Variants in TMEM114 observed in about 807,000 individuals in gnomAD.
TMEM114 encodes claudin-26.
TMEM114 carries 6 observed loss-of-function variants against 6.2 expected under a neutral mutation model. The observed-to-expected ratio is 0.97, with a 90% CI of 0.53 to 1.91. TMEM114 has a LOEUF of 1.91. Ranked by LOEUF, TMEM114 falls within the 40% of genes most tolerant of loss-of-function variation. The pLI, the probability that TMEM114 is intolerant of heterozygous loss-of-function variation, is 0.01. For missense variants in TMEM114, 218 were observed against 158.3 expected (o/e 1.38, Z -2.02); for synonymous variants, 104 against 73.0 (o/e 1.42, Z -2.16).
intron 2 of TMEM114, among the ~76,000 whole-genome samples, chr16:8,585,187 A>G (rs1471564699): frequency 6.6e-6 from 1 of 152,184 alleles, no homozygotes; most frequent in African/African-American, 2.4e-5. Context: ...CAAGAACAGT[A>G]TGGGAAAGAC....
downstream of TMEM114, among the ~76,000 whole-genome samples, chr16:8,565,170 G>A (rs1901499435): frequency 6.6e-6 from 1 of 152,138 alleles, no homozygotes; most frequent in Non-Finnish European, 1.5e-5. Context: ...TGGATGCATG[G>A]ATGGATGAGT....
At chr16:8,556,750 G>A (rs979937564) in intron 2 of TMEM114, among the ~76,000 whole-genome samples, 5 of 152,114 alleles carry the variant, frequency 3.3e-5, no homozygotes, top group South Asian at 4.1e-4. Flanking sequence ...GGATCCACCC[G>A]CCTCAGCCTC....
At chr16:8,576,180 A>G (rs1178452789) in intron 2 of TMEM114, among the ~76,000 whole-genome samples, 8 of 152,198 alleles carry the variant, frequency 5.3e-5, no homozygotes, top group Non-Finnish European at 4.4e-5. Context: ...TCCTTCTCCC[A>G]GCTCATATGA....
chr16:8,583,373 C>G (rs1902217473), intron 2 of TMEM114, among the ~76,000 whole-genome samples: 1 of 152,148 alleles, frequency 6.6e-6, no homozygotes, highest in African/African-American at 2.4e-5. Context: ...TGCACAGAGT[C>G]CAGGGCTGGC....
At chr16:8,552,602 A>T (rs1455371329) in intron 2 of TMEM114, among the ~76,000 whole-genome samples, 1 of 151,922 alleles carries the variant, frequency 6.6e-6, no homozygotes, top group Non-Finnish European at 1.5e-5. Flanking sequence ...CACTGCAGTT[A>T]TGTAGGATGT....
At chr16:8,573,925 G>A (rs1901825579) in intron 2 of TMEM114, among the ~76,000 whole-genome samples, 1 of 152,186 alleles carries the variant, frequency 6.6e-6, no homozygotes, top group South Asian at 2.1e-4. Context: ...TTGTATCCCT[G>A]AGTTTCTAGC....
intron 2 of TMEM114, among the ~76,000 whole-genome samples, chr16:8,545,339 G>C (rs1168321351): frequency 6.6e-6 from 1 of 152,186 alleles, no homozygotes; most frequent in Non-Finnish European, 1.5e-5. Context: ...AGGAGGCTGA[G>C]GCAGGAGGAT....
At chr16:8,532,974 G>A (rs769335606), downstream of TMEM114, among the ~76,000 whole-genome samples, 1 of 152,144 alleles carries the variant, frequency 6.6e-6, no homozygotes, top group Non-Finnish European at 1.5e-5. Flanking sequence ...TTCAACAGAT[G>A]TTTTCTGTGC....
intron 2 of TMEM114, among the ~76,000 whole-genome samples, chr16:8,577,317 A>G (rs1303581462): frequency 6.6e-6 from 1 of 152,170 alleles, no homozygotes; most frequent in East Asian, 1.9e-4. Context: ...GGGGACAGCT[A>G]CTGCGCTGGA....
At chr16:8,546,706 C>G (rs957027103) in intron 2 of TMEM114, among the ~76,000 whole-genome samples, 28 of 152,334 alleles carry the variant, frequency 1.8e-4, no homozygotes, top group African/African-American at 6.5e-4. Context: ...CCTACCAGAT[C>G]ACAGCAGATG....
chr16:8,548,979 A>T (rs1281665878), intron 2 of TMEM114, among the ~76,000 whole-genome samples: 1 of 151,568 alleles, frequency 6.6e-6, no homozygotes. Context: ...TCAGGAGATC[A>T]AGACCATCCT....
chr16:8,546,820 A>G (rs184257546), intron 2 of TMEM114, among the ~76,000 whole-genome samples: 15 of 152,316 alleles, frequency 9.8e-5, no homozygotes, highest in African/African-American at 2.6e-4. Flanking sequence ...GCTCTCCTCT[A>G]TCTTCCTTTG....
At position 8,589,754 on chromosome 16, in the gene TMEM114, TGCCGATGGCG is replaced by T. The variant is rs1902426590; in HGVS notation, c.75_84del (p.Ala26ArgfsTer34). On this transcript the variant is annotated frameshift_variant, in exon 1 of 4. Transcript: ENST00000620492. LOFTEE classifies it high-confidence loss of function. ...GTGTCAATGATATACCAGAAGTCCG[TGCCGATGGCG>T]GCCGCCAGGAGCACAAAGCTGAGCG... 2.0e-5 allele frequency: 8 copies of T among 398,546 alleles called. No homozygotes were observed. The South Asian group carries it at 1.0e-3, about 51-fold the overall frequency. The allele number at this position is 398,546 out of a possible 1,614,324, so 24.7% of individuals were successfully genotyped here. A position where few individuals can be genotyped will look rare whatever the true frequency, so the allele number is the denominator to read the frequency against.
intron 2 of TMEM114, among the ~76,000 whole-genome samples, chr16:8,561,962 G>A (rs1901233309): frequency 6.6e-6 from 1 of 152,196 alleles, no homozygotes; most frequent in Non-Finnish European, 1.5e-5. Context: ...ATGAGGGAGG[G>A]AGGGAATGAG....
chr16:8,543,962 G>A (rs185084471), intron 2 of TMEM114, among the ~76,000 whole-genome samples: 113 of 152,274 alleles, frequency 7.4e-4, no homozygotes, highest in African/African-American at 2.6e-3. Context: ...GTGATTCATT[G>A]GTCAAACTGG....
At chr16:8,562,335 A>C (rs1392407121) in intron 2 of TMEM114, among the ~76,000 whole-genome samples, 1 of 151,474 alleles carries the variant, frequency 6.6e-6, no homozygotes, top group Non-Finnish European at 1.5e-5. Context: ...GGAGGGAATG[A>C]GTGAATGAGT....
In TMEM114 at chr16:8,590,244, G is replaced by A. The variant is rs1348533416; in HGVS notation, c.-406C>T. ...TCGGCCCTCCACGCCCAGCCCAAGC[G>A]GACTCTCTCACTTCAAAATCCTCAC... On this transcript the variant is annotated 5_prime_UTR_variant, in exon 1 of 4. Coordinates refer to ENST00000620492, the MANE Select transcript of TMEM114 (RefSeq NM_001146336.2). The A allele has an allele frequency of 1.6e-5, 3 of 183,724 alleles. No individual in the cohort carries two copies. The highest frequency in any genetic ancestry group is 3.4e-5 in the Non-Finnish European group (3 of 89,394). 11.4% of individuals were successfully genotyped at this position (183,724 alleles called of 1,614,324 possible).
downstream of TMEM114, among the ~76,000 whole-genome samples, chr16:8,566,349 C>T (rs143825124): frequency 0.034 from 4,891 of 142,808 alleles, 148 homozygotes; most frequent in South Asian, 0.11. Flanking sequence ...TGCACCCCAG[C>T]CTGGGTGACA....
intron 3 of TMEM114, among the ~76,000 whole-genome samples, chr16:8,570,385 A>T (rs1210115608): frequency 6.6e-6 from 1 of 151,928 alleles, no homozygotes; most frequent in African/African-American, 2.4e-5. Context: ...GTGCGATCTC[A>T]GCTTGCTGCG....
Sources: allele counts gnomAD v4.1 joint callset (sites outside exome capture counted in the v4.1 genomes callset), GRCh38; gene constraint gnomAD v4.1.1; transcripts MANE v1.5; gene names NCBI Gene and HGNC (gene_info 2026-07-23, HGNC 2026-07-21).